NANOS3: variants seen among roughly 807,000 people sequenced by gnomAD.
NANOS3 encodes the protein nanos C2HC-type zinc finger 3, also known as nanos homolog 3.
A neutral mutation model predicts 13.8 loss-of-function variants in NANOS3; 11 were observed. That is an observed-to-expected ratio of 0.80 (90% confidence interval 0.50 to 1.32). The LOEUF is 1.32. Ranked by LOEUF, NANOS3 falls within the 40% of genes most tolerant of loss-of-function variation. The probability of loss-of-function intolerance (pLI) is 0.00; values close to 1 mark genes in which losing one functional copy is unlikely to be tolerated. For missense variants in NANOS3, 221 were observed against 263.8 expected (o/e 0.84, Z 1.12); for synonymous variants, 119 against 115.4 (o/e 1.03, Z -0.20).
At chr19:13,878,601 TCC>T (rs1354064935) in intron 1 of NANOS3, among the ~76,000 whole-genome samples, 1 of 148,252 alleles carries the variant, frequency 6.7e-6, no homozygotes, top group African/African-American at 2.6e-5. Context: ...TTATTTTTCT[TCC>T]TTTTTTTTTT....
At chr19:13,879,498 G>A (rs1968584475) in intron 1 of NANOS3, among the ~76,000 whole-genome samples, 1 of 152,208 alleles carries the variant, frequency 6.6e-6, no homozygotes, top group African/African-American at 2.4e-5. Context: ...TACTTTGGGA[G>A]GCCAAGGCAG....
chr19:13,879,664 G>A (rs927905194), intron 1 of NANOS3, among the ~76,000 whole-genome samples: 2 of 151,992 alleles, frequency 1.3e-5, no homozygotes, highest in African/African-American at 2.4e-5. Context: ...GGGGACAGAG[G>A]CTGCAGTGAG....
At chr19:13,869,680 C>T (rs1288913497) in intron 1 of NANOS3, among the ~76,000 whole-genome samples, 1 of 151,682 alleles carries the variant, frequency 6.6e-6, no homozygotes, top group African/African-American at 2.4e-5. Context: ...GTCGCTGGAA[C>T]CCCCATAATG....
At chr19:13,877,125 CAG>C, upstream of NANOS3, 1 of 845,564 alleles carries the variant, frequency 1.2e-6, no homozygotes, top group South Asian at 1.6e-5. Context: ...TCGGCCAGCA[CAG>C]ACTCCCAGGC....
rs148122339 is a variant in NANOS3 at position 13,877,744 on chromosome 19, C to CGAG, written c.512_514dup (p.Gly171dup). Reference sequence around the variant, plus strand: ...GAAGACACAGGACACAGGCCACCGCCGAGGAGGAGGAGGAGGAGCAGGTGC... The same window carrying CGAG: ...GAAGACACAGGACACAGGCCACCGCCGAGGAGGAGGAGGAGGAGGAGCAGGTGC... On this transcript the variant is annotated inframe_insertion, in exon 1 of 2. Transcript: ENST00000339133. 6,932 of 1,577,338 alleles carry CGAG rather than the reference C, an allele frequency of 4.4e-3. 240 individuals carry two copies. In the African/African-American group the frequency reaches 0.082, roughly 19 times the overall value.
chr19:13,877,440 G>C lies in NANOS3; in HGVS notation c.192G>C (p.Lys64Asn), dbSNP rs201105604. ...CAGTGCCGGGACCCAAGGATCAGAAGCGCAGCCTGGAGTCCTCGCCAGCTC... is the reference window on the plus strand; with the variant it reads ...CAGTGCCGGGACCCAAGGATCAGAACCGCAGCCTGGAGTCCTCGCCAGCTC... ...SVPVPGPKDQ[K>N]RSLESSPAPE... The change falls in exon 1 of 2, where the codon AAG (lysine) becomes AAC (asparagine). Residue 64 changes from lysine (K) to asparagine (N), a missense_variant. By Grantham distance (94) the Lys-to-Asn change is moderately conservative. Transcript: ENST00000339133. 3.4e-4 allele frequency: 549 copies of C among 1,611,968 alleles called. No individual in the cohort carries two copies. The highest frequency in any genetic ancestry group is 4.4e-4 in the Non-Finnish European group (518 of 1,179,992).
chr19:13,873,264 TGGGTGGGGCTCTCGG>T (rs1285345002), upstream of NANOS3, among the ~76,000 whole-genome samples: 102 of 38,948 alleles, frequency 2.6e-3, 1 homozygote, highest in Middle Eastern at 0.018. Context: ...CTCCAGACTG[TGGGTGGGGCTCTCGG>T]GGGCGGGGCT....
At chr19:13,872,493 G>A (rs1208290008), upstream of NANOS3, among the ~76,000 whole-genome samples, 2 of 152,210 alleles carry the variant, frequency 1.3e-5, no homozygotes, top group African/African-American at 4.8e-5. Flanking sequence ...AATCTTGAGA[G>A]TTCTGGACTA....
upstream of NANOS3, among the ~76,000 whole-genome samples, chr19:13,876,534 G>T (rs1228973511): frequency 6.6e-5 from 10 of 152,136 alleles, no homozygotes; most frequent in Admixed American, 6.5e-4. Flanking sequence ...TTCAATGGGG[G>T]TTCCACTAAG....
At chr19:13,862,994 G>A (rs1195753513), upstream of NANOS3, among the ~76,000 whole-genome samples, 1 of 152,234 alleles carries the variant, frequency 6.6e-6, no homozygotes, top group Non-Finnish European at 1.5e-5. Flanking sequence ...AAGAAGGTTC[G>A]AAGATACAGC....
In NANOS3 at chr19:13,877,343, C is replaced by T. The variant is rs1414217921; in HGVS notation, c.95C>T (p.Pro32Leu). 1 of 1,612,920 alleles carries T rather than the reference C, an allele frequency of 6.2e-7. No homozygotes were observed. Among genetic ancestry groups the T allele is most frequent in the Non-Finnish European group, 8.5e-7 (1 of 1,180,036 alleles). Residue 32 changes from proline (P) to leucine (L), a missense_variant, in exon 1 of 2, where the codon CCC (proline) becomes CTC (leucine). Pro to Leu is a moderately conservative substitution (Grantham distance 98). Around this residue, in one of 3 missense-constraint regions of NANOS3, gnomAD observed 112 missense variants for 116.3 expected, o/e 0.96. Coordinates refer to ENST00000339133, the MANE Select transcript of NANOS3 (RefSeq NM_001098622.3). ...GKEGPETRLS[P>L]QPEPEPMLEP... ...GAGGGTCCTGAAACCAGGCTGAGCC[C>T]CCAGCCAGAGCCAGAGCCAATGCTG...
At chr19:13,870,223 G>C (rs192090685) in intron 1 of NANOS3, among the ~76,000 whole-genome samples, 1 of 152,148 alleles carries the variant, frequency 6.6e-6, no homozygotes, top group Admixed American at 6.5e-5. Context: ...GGGACTACAG[G>C]CGCACACCAC....
chr19:13,870,303 ACTC>A (rs1341483453), intron 1 of NANOS3, among the ~76,000 whole-genome samples: 1 of 150,922 alleles, frequency 6.6e-6, no homozygotes, highest in Non-Finnish European at 1.5e-5. Context: ...CTGGTCTTGA[ACTC>A]CTGTGCTCAG....
chr19:13,867,676 A>C (rs923859639), intron 1 of NANOS3, among the ~76,000 whole-genome samples: 1 of 151,800 alleles, frequency 6.6e-6, no homozygotes, highest in Admixed American at 6.6e-5. Context: ...ATCCTCCCAC[A>C]TTAGCCTCCC....
upstream of NANOS3, among the ~76,000 whole-genome samples, chr19:13,863,320 T>C (rs1286087121): frequency 5.9e-5 from 9 of 152,016 alleles, no homozygotes; most frequent in Admixed American, 4.6e-4. Flanking sequence ...ACGGATCCTT[T>C]TGCTTCAGCC....
rs1376198380 is a variant in NANOS3, at chr19:13,877,267, T to G, written c.19T>G (p.Trp7Gly). 1.2e-6 allele frequency: 2 copies of G among 1,611,784 alleles called. No individual in the cohort carries two copies. The highest frequency in any genetic ancestry group is 3.3e-5 in the Admixed American group (2 of 59,964). The change falls in exon 1 of 2, where the codon TGG (tryptophan) becomes GGG (glycine). Residue 7 changes from tryptophan to glycine, a missense_variant. Coordinates refer to ENST00000339133, the MANE Select transcript of NANOS3 (RefSeq NM_001098622.3). ...CCCAGCTATGGGGACCTTTGACCTG[T>G]GGACAGATTACCTGGGTTTGGCACA... Reference protein sequence around the residue: MGTFDLWTDYLGLAHLV... With the variant: MGTFDLGTDYLGLAHLV...
chr19:13,875,098 G>C (rs928771186), upstream of NANOS3: 1 of 379,720 alleles, frequency 2.6e-6, no homozygotes, highest in Non-Finnish European at 5.4e-6. Context: ...GAGAGCTGGT[G>C]TCTGGAATCT....
chr19:13,869,958 G>A (rs1268185340), intron 1 of NANOS3, among the ~76,000 whole-genome samples: 1 of 152,060 alleles, frequency 6.6e-6, no homozygotes, highest in Non-Finnish European at 1.5e-5. Flanking sequence ...TCACAGTCAA[G>A]ACTTCAAGAA....
intron 1 of NANOS3, among the ~76,000 whole-genome samples, chr19:13,869,222 C>T (rs1169811801): frequency 2.0e-5 from 3 of 152,146 alleles, no homozygotes; most frequent in African/African-American, 7.2e-5. Flanking sequence ...CTGCGTTGCC[C>T]AGGCTGATCT....
Sources: gnomAD v4.1 joint callset for allele counts (sites outside exome capture counted in the v4.1 genomes callset) on GRCh38, gnomAD v4.1.1 for gene constraint, gnomAD v4.1.1 regional missense constraint, MANE v1.5 for transcripts, NCBI Gene and HGNC (gene_info 2026-07-23, HGNC 2026-07-21) for gene names.